The following CCDC82 variants were observed in gnomAD, a reference collection of about 807,000 sequenced individuals.
CCDC82 encodes the protein coiled-coil domain containing 82, also known as coiled-coil domain-containing protein 82.
A neutral mutation model predicts 60.6 loss-of-function variants in CCDC82; 47 were observed. That is an observed-to-expected ratio of 0.77 (90% confidence interval 0.61 to 0.99). CCDC82 has a LOEUF of 0.99. CCDC82 is among the 50% of genes least tolerant of loss of function. The pLI is 0.00. For synonymous variants in CCDC82, 212 were observed against 207.4 expected (o/e 1.02, Z -0.19); for missense variants, 588 against 633.0 (o/e 0.93, Z 0.76).
intron 8 of CCDC82, among the ~76,000 whole-genome samples, chr11:96,360,576 T>C (rs1056647587): frequency 3.3e-5 from 5 of 152,180 alleles, no homozygotes; most frequent in Admixed American, 2.6e-4. Flanking sequence ...TGGTCAATCT[T>C]ACTCTCATGG....
At chr11:96,372,284 A>AT (rs1865314518) in intron 6 of CCDC82, among the ~76,000 whole-genome samples, 1 of 152,214 alleles carries the variant, frequency 6.6e-6, no homozygotes, top group Non-Finnish European at 1.5e-5. Context: ...TAACTAGCAG[A>AT]TAACATAAAC....
At chr11:96,378,181 C>G (rs947302794) in intron 5 of CCDC82, among the ~76,000 whole-genome samples, 1 of 151,926 alleles carries the variant, frequency 6.6e-6, no homozygotes, top group Non-Finnish European at 1.5e-5. Context: ...ACTGTTAATT[C>G]TGCTATCTAC....
intron 5 of CCDC82, chr11:96,381,864 T>G (rs193223180): frequency 1.3e-5 from 2 of 151,960 alleles, no homozygotes; most frequent in East Asian, 3.9e-4. Context: ...TCATTGATGA[T>G]GTAAAAGCAG....
chr11:96,362,745 A>C (rs1469827267), intron 8 of CCDC82, among the ~76,000 whole-genome samples: 1 of 152,174 alleles, frequency 6.6e-6, no homozygotes, highest in African/African-American at 2.4e-5. Flanking sequence ...CTTTCCATCA[A>C]GGCATCCTTT....
intron 5 of CCDC82, chr11:96,381,809 TAATAAC>T (rs1467385037): frequency 6.6e-6 from 1 of 151,870 alleles, no homozygotes; most frequent in Non-Finnish European, 1.5e-5. Flanking sequence ...TGATTTCAAG[TAATAAC>T]AATATTATTT....
At chr11:96,368,255 C>A (rs954745352) in intron 7 of CCDC82, among the ~76,000 whole-genome samples, 2 of 152,078 alleles carry the variant, frequency 1.3e-5, no homozygotes, top group African/African-American at 2.4e-5. Context: ...TCTTGGGTGA[C>A]CCGGTGCACT....
chr11:96,358,882 GAAGA>G, intron 9 of CCDC82, 107 bp downstream of exon 9: 1 of 1,068,250 alleles, frequency 9.4e-7, no homozygotes, highest in Non-Finnish European at 1.4e-6. Flanking sequence ...ACAAACGACA[GAAGA>G]AAGAGATTCT....
rs75857759 is a variant in CCDC82 at position 96,384,426 on chromosome 11, T to C, written c.322A>G (p.Thr108Ala). The change falls in exon 4 of 10, where the codon ACA becomes GCA. Residue 108 changes from threonine (T) to alanine (A), a missense_variant. By Grantham distance (58) the Thr-to-Ala change is moderately conservative. Transcript: ENST00000646818. Reference protein sequence around the residue: ...KCLINSGNGSTYEEETNKIKH... With the variant: ...KCLINSGNGSAYEEETNKIKH... ...ATTTTGTTCGTTTCTTCTTCATATG[T>C]TGAACCGTTGCCAGAGTTAATGAGA... is the stretch of plus-strand genomic sequence containing the variant. The C allele has an allele frequency of 3.7e-3, 5,997 of 1,613,852 alleles. 195 individuals carry two copies. In the African/African-American group the frequency reaches 0.071, roughly 19 times the overall value.
intron 2 of CCDC82, 69 bp from the exon 3 acceptor site, chr11:96,386,362 A>G (rs765144339): frequency 1.3e-5 from 2 of 152,242 alleles, no homozygotes; most frequent in African/African-American, 4.8e-5. Context: ...ATACGGCAAT[A>G]AGACTTTCTG....
intron 3 of CCDC82, chr11:96,385,955 C>G (rs1866167180): frequency 6.6e-6 from 1 of 152,146 alleles, no homozygotes; most frequent in Non-Finnish European, 1.5e-5. Context: ...GCTGATTATT[C>G]CAATATTTCC....
At chr11:96,387,976 C>T (rs568964242) in intron 1 of CCDC82, 70 of 152,292 alleles carry the variant, frequency 4.6e-4, no homozygotes, top group African/African-American at 1.7e-3. Context: ...AATTTGAATG[C>T]CTGAGGCAGC....
chr11:96,358,258 AG>A, intron 9 of CCDC82: 1 of 1,081,110 alleles, frequency 9.2e-7, no homozygotes, highest in Non-Finnish European at 1.1e-6. Flanking sequence ...TCATGTAACT[AG>A]ACTTGTTTTA....
At chr11:96,387,417 T>A (rs953959886) in intron 2 of CCDC82, 113 bp downstream of exon 2, 19 of 152,168 alleles carry the variant, frequency 1.2e-4, no homozygotes, top group African/African-American at 4.3e-4. Flanking sequence ...AAACTTTAAG[T>A]TTTTAGTGCA....
rs1253260615 is a variant in CCDC82 at position 96,386,297 on chromosome 11, T to C, written c.-54-4A>G. 1.3e-5 allele frequency: 2 copies of C among 152,422 alleles called. No homozygotes were observed. Among genetic ancestry groups the C allele is most frequent in the Admixed American group, 6.5e-5 (1 of 15,282 alleles). 9.4% of individuals were successfully genotyped at this position (152,422 alleles called of 1,614,324 possible). ...TTCCAAGAGGATTACTTTTTTCCTA[T>C]AGATTGTGGAAGAGAGGATACAGCT... On this transcript the variant is annotated splice_polypyrimidine_tract_variant and splice_region_variant and intron_variant, in intron 2 of 9. Coordinates refer to ENST00000646818, the MANE Select transcript of CCDC82 (RefSeq NM_024725.4).
At position 96,365,051 on chromosome 11, in the gene CCDC82, C is replaced by A; in HGVS notation, c.1309G>T (p.Val437Leu). ...CGLHRYCKYS[V>L]HLSGELYNTR... ...TTATACAACTCTCCTGATAAATGCA[C>A]TGAATATTTACAGTAGCGATGCAGT... The change falls in exon 8 of 10, where the codon GTG becomes TTG. Residue 437 changes from valine to leucine, a missense_variant. Transcript: ENST00000646818. 6.2e-7 allele frequency: 1 copy of A among 1,610,528 alleles called. No individual in the cohort carries two copies. Among genetic ancestry groups the A allele is most frequent in the South Asian group, 1.1e-5 (1 of 89,990 alleles).
chr11:96,383,905 A>C, intron 4 of CCDC82, 57 bp downstream of exon 4: 2 of 1,468,588 alleles, frequency 1.4e-6, no homozygotes, highest in East Asian at 4.6e-5. Flanking sequence ...TATAAAAATT[A>C]AATACTTTAA....
intron 5 of CCDC82, among the ~76,000 whole-genome samples, chr11:96,378,658 TATA>T (rs1269950810): frequency 6.6e-6 from 1 of 152,010 alleles, no homozygotes; most frequent in Non-Finnish European, 1.5e-5. Context: ...CCTCTGAATA[TATA>T]ATAGAGTACT....
At chr11:96,375,521 T>C (rs1462109977) in intron 5 of CCDC82, among the ~76,000 whole-genome samples, 2 of 152,202 alleles carry the variant, frequency 1.3e-5, no homozygotes, top group African/African-American at 2.4e-5. Flanking sequence ...ATAATATTAC[T>C]GAGCAAAATA....
intron 3 of CCDC82, chr11:96,385,874 G>C (rs139649293): frequency 1.3e-5 from 2 of 151,938 alleles, no homozygotes. Context: ...TAATGAGACC[G>C]ACCTCAAACT....
Sources: allele counts gnomAD v4.1 joint callset (sites outside exome capture counted in the v4.1 genomes callset), GRCh38; gene constraint gnomAD v4.1.1; transcripts MANE v1.5; gene names NCBI Gene and HGNC (gene_info 2026-07-23, HGNC 2026-07-21).